PAPOLA: variants seen among roughly 807,000 people sequenced by gnomAD.
The protein encoded by PAPOLA is polynucleotide adenylyltransferase alpha.
A neutral mutation model predicts 100.6 loss-of-function variants in PAPOLA; 15 were observed. That is an observed-to-expected ratio of 0.15 (90% confidence interval 0.10 to 0.23). The LOEUF is 0.23. Ranked by LOEUF, PAPOLA falls within the 10% of genes least tolerant of loss-of-function variation. PAPOLA has a pLI of 1.00. For missense variants in PAPOLA, 533 were observed against 884.2 expected, an observed-to-expected ratio of 0.60 and a Z score of 5.04; for synonymous variants, 293 against 300.0, an observed-to-expected ratio of 0.98 and a Z score of 0.24.
At chr14:96,541,095 T>G (rs975791015) in intron 12 of PAPOLA, among the ~76,000 whole-genome samples, 2 of 152,174 alleles carry the variant, frequency 1.3e-5, no homozygotes, top group African/African-American at 2.4e-5. Flanking sequence ...TTCACTGTGT[T>G]AGCCAGGATG....
intron 21 of PAPOLA, among the ~76,000 whole-genome samples, chr14:96,563,901 G>A (rs747830710): frequency 3.2e-4 from 48 of 151,738 alleles, no homozygotes; most frequent in Non-Finnish European, 6.2e-4. Context: ...ACATACTCTC[G>A]GGACTTATTT....
chr14:96,517,071 C>T (rs1897527432), intron 1 of PAPOLA, among the ~76,000 whole-genome samples: 1 of 151,862 alleles, frequency 6.6e-6, no homozygotes, highest in African/African-American at 2.4e-5. Context: ...ATTACTCGCA[C>T]AAAACAAAAA....
At chr14:96,520,386 T>G (rs1056367336) in intron 2 of PAPOLA, among the ~76,000 whole-genome samples, 158 bp downstream of exon 2, 1 of 152,132 alleles carries the variant, frequency 6.6e-6, no homozygotes, top group Admixed American at 6.5e-5. Flanking sequence ...GAGAAAACTT[T>G]TTGTTTTTGA....
chr14:96,509,637 A>G (rs80025818), intron 1 of PAPOLA, among the ~76,000 whole-genome samples: 8,365 of 152,274 alleles, frequency 0.055, 230 homozygotes, highest in Non-Finnish European at 0.058. Context: ...ACCTAGGCCT[A>G]TGCACCAATG....
intron 9 of PAPOLA, chr14:96,534,208 G>C: frequency 8.2e-7 from 1 of 1,214,634 alleles, no homozygotes. Context: ...TCATTATCTT[G>C]GGATGGTACT....
intron 1 of PAPOLA, among the ~76,000 whole-genome samples, chr14:96,503,135 C>G (rs925806702): frequency 2.0e-5 from 3 of 152,204 alleles, no homozygotes; most frequent in African/African-American, 7.2e-5. Flanking sequence ...TTTCCACTGA[C>G]CTTGTCTGAA....
At chr14:96,534,375 G>A (rs1899337846) in intron 9 of PAPOLA, 116 bp from the exon 10 acceptor site, 1 of 1,514,398 alleles carries the variant, frequency 6.6e-7, no homozygotes, top group Non-Finnish European at 8.8e-7. Context: ...AACGTTGTAT[G>A]TACCAAGAAG....
chr14:96,554,593 T>TGA lies in PAPOLA; in HGVS notation c.1665-1239_1665-1238dup, dbSNP rs143432474. Among the ~76,000 whole-genome samples the TGA allele has an allele frequency of 2.3e-3, 351 of 151,294 alleles. 1 individual carries two copies. Among genetic ancestry groups the TGA allele is most frequent in the African/African-American group, 7.9e-3 (328 of 41,284 alleles). On this transcript the variant is annotated intron_variant, in intron 17 of 21. Coordinates refer to ENST00000216277, the MANE Select transcript of PAPOLA (RefSeq NM_032632.5). ...AGTTTCAGAGTGTGGGTGATAGCTC[T>TGA]GAGAGAGAGAGAGAGAAAGAGAGAC...
At chr14:96,556,437 G>C in intron 19 of PAPOLA, 24 bp downstream of exon 19, 1 of 1,450,528 alleles carries the variant, frequency 6.9e-7, no homozygotes, top group Non-Finnish European at 9.7e-7. Flanking sequence ...AAACATATTA[G>C]TTAGCCATGG....
At chr14:96,519,186 C>T (rs896041810) in intron 1 of PAPOLA, among the ~76,000 whole-genome samples, 5 of 151,934 alleles carry the variant, frequency 3.3e-5, no homozygotes, top group African/African-American at 1.2e-4. Flanking sequence ...CTTCAGCCTC[C>T]TGAAGTGCTG....
chr14:96,507,966 C>T (rs1412318407), intron 1 of PAPOLA, among the ~76,000 whole-genome samples: 5 of 152,110 alleles, frequency 3.3e-5, no homozygotes, highest in Non-Finnish European at 5.9e-5. Context: ...ACCCCTGCAT[C>T]CCAGGTTCAA....
At position 96,520,089 on chromosome 14, in the gene PAPOLA, C is replaced by G; in HGVS notation, c.43C>G (p.Pro15Ala). The G allele has an allele frequency of 6.2e-7, 1 of 1,613,642 alleles. No homozygotes were observed. The change falls in exon 2 of 22, where the codon CCG (proline) becomes GCG (alanine). Residue 15 changes from proline to alanine, a missense_variant. Coordinates refer to ENST00000216277, the MANE Select transcript of PAPOLA (RefSeq NM_032632.5). ...AACACAGGGATCACAACAAACACAACCGCCACAGAAGCACTATGGCATTAC... is the reference window on the plus strand; with the variant it reads ...AACACAGGGATCACAACAAACACAAGCGCCACAGAAGCACTATGGCATTAC... ...VTTQGSQQTQ[P>A]PQKHYGITSP...
Position 96,560,684 on chromosome 14 carries a change from G to T in PAPOLA, c.2040G>T (p.Leu680Phe), listed in dbSNP as rs764535387. 1.9e-6 allele frequency: 3 copies of T among 1,606,024 alleles called. No homozygotes were observed. The Admixed American group carries it at 5.0e-5, about 27-fold the overall frequency. The change falls in exon 20 of 22, where the codon TTG (leucine) becomes TTT (phenylalanine). Residue 680 changes from leucine (L) to phenylalanine (F), a missense_variant. By Grantham distance (22) the Leu-to-Phe change is conservative. Transcript: ENST00000216277. ...ETSEDANCLA[L>F]SGHDKTEAKE... ...GTGAAGATGCTAACTGTCTTGCTTT[G>T]AGTGGACATGATAAAACAGAAGCAA...
At chr14:96,538,783 T>C (rs1236480124) in intron 12 of PAPOLA, among the ~76,000 whole-genome samples, 1 of 151,996 alleles carries the variant, frequency 6.6e-6, no homozygotes, top group Non-Finnish European at 1.5e-5. Context: ...TTTAAAGACA[T>C]CCTCATATAA....
chr14:96,507,890 T>C (rs1035718279), intron 1 of PAPOLA, among the ~76,000 whole-genome samples: 1 of 152,138 alleles, frequency 6.6e-6, no homozygotes, highest in Non-Finnish European at 1.5e-5. Context: ...TTTTCGTTTT[T>C]CTTGAGATGG....
At chr14:96,523,817 C>T (rs1030460620) in intron 3 of PAPOLA, among the ~76,000 whole-genome samples, 14 of 152,074 alleles carry the variant, frequency 9.2e-5, no homozygotes, top group African/African-American at 2.7e-4. Flanking sequence ...GTAGTGCGCG[C>T]CTGTAATCCC....
chr14:96,536,894 T>A, intron 11 of PAPOLA, 82 bp from the exon 12 acceptor site: 1 of 781,050 alleles, frequency 1.3e-6, no homozygotes, highest in South Asian at 1.5e-5. Flanking sequence ...TTATAGTGAG[T>A]GCATGTAGTA....
At chr14:96,562,922 T>C in intron 21 of PAPOLA, 29 bp downstream of exon 21, 1 of 1,347,824 alleles carries the variant, frequency 7.4e-7, no homozygotes, top group Non-Finnish European at 1.1e-6. Flanking sequence ...AAGGAGAATT[T>C]TGTAAATGTC....
intron 3 of PAPOLA, among the ~76,000 whole-genome samples, chr14:96,522,118 T>TG (rs1898043054): frequency 1.1e-5 from 1 of 92,150 alleles, no homozygotes; most frequent in African/African-American, 4.4e-5. Context: ...CTTTCTTTCT[T>TG]TTTTTTTTTT....
Sources: gnomAD v4.1 joint callset for allele counts (sites outside exome capture counted in the v4.1 genomes callset) on GRCh38, gnomAD v4.1.1 for gene constraint, MANE v1.5 for transcripts, NCBI Gene and HGNC (gene_info 2026-07-23, HGNC 2026-07-21) for gene names.